ZNF804B: variants seen among roughly 807,000 people sequenced by gnomAD.
The protein encoded by ZNF804B is zinc finger 804B.
Under a neutral mutation model 101.4 loss-of-function variants are expected in ZNF804B, and 80 were observed. That is an observed-to-expected ratio of 0.79 (90% CI 0.66 to 0.95). The LOEUF (loss-of-function observed/expected upper bound fraction) is 0.95, where lower values mean the gene tolerates loss of function less well. Among genes scored for constraint, ZNF804B ranks in the 40% least tolerant of loss-of-function variants. The pLI is 0.00. For missense variants in ZNF804B, 1,673 were observed against 1,561.9 expected, an observed-to-expected ratio of 1.07 and a Z score of -1.20; for synonymous variants, 622 against 558.8, an observed-to-expected ratio of 1.11 and a Z score of -1.59.
chr7:89,310,487 A>G (rs1790635543), intron 2 of ZNF804B, among the ~76,000 whole-genome samples: 1 of 152,120 alleles, frequency 6.6e-6, no homozygotes, highest in African/African-American at 2.4e-5. Flanking sequence ...TCCTGCTTCT[A>G]TTTTAATAGT....
At chr7:89,321,427 T>C (rs145536607) in intron 2 of ZNF804B, among the ~76,000 whole-genome samples, 16,535 of 151,984 alleles carry the variant, frequency 0.11, 918 homozygotes, top group Non-Finnish European at 0.12. Context: ...TTCAGTGAGC[T>C]GAGATTGCAC....
At chr7:88,990,590 T>C (rs1172244336) in intron 1 of ZNF804B, among the ~76,000 whole-genome samples, 1 of 152,128 alleles carries the variant, frequency 6.6e-6, no homozygotes, top group Non-Finnish European at 1.5e-5. Flanking sequence ...TTTTCACCAC[T>C]CTACCATATT....
At chr7:88,995,377 A>C (rs1788171016) in intron 1 of ZNF804B, among the ~76,000 whole-genome samples, 1 of 152,110 alleles carries the variant, frequency 6.6e-6, no homozygotes, top group Non-Finnish European at 1.5e-5. Context: ...ACAAGATTTT[A>C]ATTTTATCAA....
intron 1 of ZNF804B, chr7:88,794,615 C>G: frequency 6.2e-7 from 1 of 1,613,518 alleles, no homozygotes; most frequent in Non-Finnish European, 8.5e-7. Context: ...TCTAAAAGAA[C>G]TTTGTAGAGA....
intron 1 of ZNF804B, among the ~76,000 whole-genome samples, chr7:88,925,843 G>C (rs960669398): frequency 1.3e-5 from 2 of 152,092 alleles, no homozygotes; most frequent in Non-Finnish European, 2.9e-5. Flanking sequence ...TGGCAGAAGA[G>C]GAAGCTCTGA....
At chr7:89,099,048 ATATATAT>A (rs1790012832) in intron 1 of ZNF804B, among the ~76,000 whole-genome samples, 1 of 147,710 alleles carries the variant, frequency 6.8e-6, no homozygotes, top group Non-Finnish European at 1.5e-5. Context: ...TATATATTAT[ATATATAT>A]TATATATGTA....
chr7:89,030,333 G>A (rs969808737), intron 1 of ZNF804B, among the ~76,000 whole-genome samples: 3 of 152,120 alleles, frequency 2.0e-5, no homozygotes, highest in Admixed American at 6.6e-5. Flanking sequence ...GAGAATAAAC[G>A]TCCTTGGATT....
At position 89,336,838 on chromosome 7, in the gene ZNF804B, C is replaced by T. The variant is rs1411015684; in HGVS notation, c.3856C>T (p.Leu1286=). 1.2e-6 allele frequency: 2 copies of T among 1,614,118 alleles called. No individual in the cohort carries two copies. The highest frequency in any genetic ancestry group is 1.1e-5 in the South Asian group (1 of 91,084). ...FHPSHITLQP[L]PPTAFIPTLF... ...CCCATCTCACATAACACTTCAGCCT[C>T]TGCCCCCTACAGCATTTATTCCTAC... The change falls in exon 4 of 4, where the codon CTG becomes TTG. Residue 1286 remains leucine, a synonymous_variant. Coordinates refer to ENST00000333190, the MANE Select transcript of ZNF804B (RefSeq NM_181646.5).
Position 89,314,210 on chromosome 7 carries a change from G to T in ZNF804B, c.250-13134G>T, listed in dbSNP as rs80339371. ...TCTTGGATTTATGGAAATTATAGAT[G>T]TTTGGATTAAACACATAAATTATTT... is the stretch of plus-strand genomic sequence containing the variant. On this transcript the variant is annotated intron_variant, in intron 2 of 3. Transcript: ENST00000333190. 2.6e-4 allele frequency among the ~76,000 whole-genome samples: 39 copies of T among 152,252 alleles called. No individual in the cohort carries two copies. In the East Asian group the frequency reaches 6.4e-3, roughly 25 times the overall value.
intron 1 of ZNF804B, among the ~76,000 whole-genome samples, chr7:88,827,479 C>A (rs1791066103): frequency 6.6e-6 from 1 of 151,136 alleles, no homozygotes; most frequent in South Asian, 2.1e-4. Flanking sequence ...TTCAGAAAAA[C>A]TTTTATGTTA....
chr7:89,202,419 AGAG>A (rs937221165), intron 1 of ZNF804B, among the ~76,000 whole-genome samples: 1 of 152,144 alleles, frequency 6.6e-6, no homozygotes, highest in African/African-American at 2.4e-5. Context: ...GATAAAGGAA[AGAG>A]GAGGTCTCTA....
At chr7:88,921,739 T>C (rs1188029897) in intron 1 of ZNF804B, among the ~76,000 whole-genome samples, 1 of 152,004 alleles carries the variant, frequency 6.6e-6, no homozygotes, top group Non-Finnish European at 1.5e-5. Flanking sequence ...GGTAGAAAAA[T>C]AGATCATAGA....
intron 1 of ZNF804B, among the ~76,000 whole-genome samples, chr7:89,103,038 C>T (rs1410616753): frequency 9.9e-6 from 1 of 101,170 alleles, no homozygotes; most frequent in Non-Finnish European, 1.9e-5. Flanking sequence ...TTCCATTGAC[C>T]TATGTGTCTG....
intron 2 of ZNF804B, among the ~76,000 whole-genome samples, chr7:89,276,154 C>T (rs1789977035): frequency 6.6e-6 from 1 of 151,722 alleles, no homozygotes; most frequent in African/African-American, 2.4e-5. Flanking sequence ...AAATAACACA[C>T]ACTGTGGCCT....
chr7:89,220,324 A>G (rs1193901704), intron 2 of ZNF804B, among the ~76,000 whole-genome samples: 1 of 151,564 alleles, frequency 6.6e-6, no homozygotes, highest in Admixed American at 6.6e-5. Context: ...TAATTCCCAA[A>G]TCCTAGTGTG....
chr7:89,015,841 G>A (rs1204780433), intron 1 of ZNF804B, among the ~76,000 whole-genome samples: 1 of 152,074 alleles, frequency 6.6e-6, no homozygotes, highest in African/African-American at 2.4e-5. Flanking sequence ...TAGTCCTTTG[G>A]GTATACACCC....
chr7:89,011,978 C>G (rs1046150191), intron 1 of ZNF804B, among the ~76,000 whole-genome samples: 2 of 152,208 alleles, frequency 1.3e-5, no homozygotes, highest in African/African-American at 2.4e-5. Flanking sequence ...AATGAGGGCT[C>G]TACCCCTGCA....
chr7:89,154,486 A>G (rs78241459), intron 1 of ZNF804B, among the ~76,000 whole-genome samples: 2 of 152,306 alleles, frequency 1.3e-5, no homozygotes, highest in African/African-American at 4.8e-5. Context: ...ATGAATGGAT[A>G]AAGAAAATGT....
chr7:89,057,575 G>C (rs956448238), intron 1 of ZNF804B, among the ~76,000 whole-genome samples: 2 of 152,090 alleles, frequency 1.3e-5, no homozygotes, highest in African/African-American at 4.8e-5. Flanking sequence ...ACAGAGAAGT[G>C]TTAGTGGAAT....
Sources: allele counts gnomAD v4.1 joint callset (sites outside exome capture counted in the v4.1 genomes callset), GRCh38; gene constraint gnomAD v4.1.1; transcripts MANE v1.5; gene names NCBI Gene and HGNC (gene_info 2026-07-23, HGNC 2026-07-21).